The following SPECC1L variants were observed in gnomAD, a reference collection of about 807,000 sequenced individuals.
SPECC1L encodes the protein sperm antigen with calponin homology and coiled-coil domains 1 like, also known as cytospin-A.
Under a neutral mutation model 116.8 loss-of-function variants are expected in SPECC1L, and 40 were observed. The ratio of observed to expected loss-of-function variants is 0.34; its 90% CI spans 0.27 to 0.45. The LOEUF (loss-of-function observed/expected upper bound fraction) is 0.45. Ranked by LOEUF, SPECC1L falls within the 20% of genes least tolerant of loss-of-function variation. The pLI is 1.00. For synonymous variants in SPECC1L, 504 were observed against 500.6 expected, an observed-to-expected ratio of 1.01 and a Z score of -0.09; for missense variants, 1,110 against 1,373.6, an observed-to-expected ratio of 0.81 and a Z score of 3.03.
chr22:24,322,428 TA>T lies in SPECC1L; in HGVS notation c.1453del (p.Ser485ValfsTer7). 6.2e-7 allele frequency: 1 copy of T among 1,614,166 alleles called. No homozygotes were observed. The highest frequency in any genetic ancestry group is 8.5e-7 in the Non-Finnish European group (1 of 1,180,028). ...ATTTCTTATGTCATAGATGAAGATGTAAAAAGTGGGCGCTATATGGAATTAG... is the reference window on the plus strand; with the variant it reads ...ATTTCTTATGTCATAGATGAAGATGTAAAAGTGGGCGCTATATGGAATTAG... ...HHISYVIDED[V>X]KSGRYMELEQ... On this transcript the variant is annotated frameshift_variant, in exon 5 of 17. Coordinates refer to ENST00000314328, the MANE Select transcript of SPECC1L (RefSeq NM_015330.6). LOFTEE classifies it high-confidence loss of function.
intron 14 of SPECC1L, among the ~76,000 whole-genome samples, chr22:24,398,636 A>G (rs2042411541): frequency 6.6e-6 from 1 of 152,226 alleles, no homozygotes; most frequent in Admixed American, 6.5e-5. Context: ...TGTGTAAGTC[A>G]TGGCTGGTGA....
At chr22:24,315,794 G>A (rs1471617996) in intron 4 of SPECC1L, among the ~76,000 whole-genome samples, 1 of 152,158 alleles carries the variant, frequency 6.6e-6, no homozygotes, top group African/African-American at 2.4e-5. Context: ...TCTCAAATCT[G>A]GAAGCCAGAA....
intron 4 of SPECC1L, among the ~76,000 whole-genome samples, chr22:24,320,148 C>G (rs1216420170): frequency 2.0e-5 from 3 of 152,126 alleles, no homozygotes; most frequent in Non-Finnish European, 4.4e-5. Context: ...TGGTGGCACG[C>G]TCCTGTAATC....
chr22:24,309,136 G>GAC (rs138903918), intron 3 of SPECC1L, among the ~76,000 whole-genome samples: 296 of 150,944 alleles, frequency 2.0e-3, no homozygotes, highest in Middle Eastern at 3.5e-3. Flanking sequence ...TTGCTTTTGG[G>GAC]ACACACACAC....
intron 10 of SPECC1L, among the ~76,000 whole-genome samples, chr22:24,341,855 C>T (rs1028193819): frequency 1.3e-5 from 2 of 152,214 alleles, no homozygotes; most frequent in African/African-American, 4.8e-5. Flanking sequence ...TGCAGAGAGG[C>T]CCACATTAGG....
intron 14 of SPECC1L, among the ~76,000 whole-genome samples, chr22:24,385,546 GCTATA>G (rs1052275981): frequency 6.6e-6 from 1 of 152,176 alleles, no homozygotes; most frequent in Non-Finnish European, 1.5e-5. Context: ...TGCTGGAAGA[GCTATA>G]CTAATTTCAA....
chr22:24,298,424 C>A (rs1312039027), intron 2 of SPECC1L, among the ~76,000 whole-genome samples: 1 of 152,148 alleles, frequency 6.6e-6, no homozygotes, highest in African/African-American at 2.4e-5. Flanking sequence ...TGAAACATAT[C>A]CCCCTCGGAT....
At chr22:24,378,762 A>C (rs976171616) in intron 14 of SPECC1L, among the ~76,000 whole-genome samples, 21 of 152,346 alleles carry the variant, frequency 1.4e-4, no homozygotes, top group East Asian at 9.6e-4. Context: ...TCACTGTCTT[A>C]TATGGGCACA....
chr22:24,311,754 G>A (rs1273170036), intron 3 of SPECC1L, among the ~76,000 whole-genome samples: 8 of 143,184 alleles, frequency 5.6e-5, no homozygotes, highest in African/African-American at 7.9e-5. Flanking sequence ...GCAGTGAGCC[G>A]AGATCATGCC....
intron 2 of SPECC1L, among the ~76,000 whole-genome samples, chr22:24,301,949 G>A (rs1007417374): frequency 1.3e-5 from 2 of 152,032 alleles, no homozygotes; most frequent in African/African-American, 4.8e-5. Context: ...GGAAGGCTGA[G>A]GCAGGAGAAT....
At chr22:24,299,140 T>G (rs1263262427) in intron 2 of SPECC1L, among the ~76,000 whole-genome samples, 1 of 152,218 alleles carries the variant, frequency 6.6e-6, no homozygotes, top group Non-Finnish European at 1.5e-5. Context: ...AATTTACATA[T>G]TGAAATTTAT....
At chr22:24,387,249 C>T (rs930915603) in intron 14 of SPECC1L, among the ~76,000 whole-genome samples, 17 of 152,214 alleles carry the variant, frequency 1.1e-4, no homozygotes, top group African/African-American at 3.9e-4. Context: ...CAACATGCAG[C>T]AGCATGGATG....
At chr22:24,379,958 G>A (rs2042034990) in intron 14 of SPECC1L, among the ~76,000 whole-genome samples, 1 of 152,116 alleles carries the variant, frequency 6.6e-6, no homozygotes, top group African/African-American at 2.4e-5. Context: ...CCATCTCCTG[G>A]GATGCATCTC....
chr22:24,314,239 C>CA (rs1479688177), intron 4 of SPECC1L, among the ~76,000 whole-genome samples: 2 of 150,626 alleles, frequency 1.3e-5, no homozygotes, highest in African/African-American at 4.9e-5. Context: ...TTAGTAGAGA[C>CA]AGAGTTTCAC....
At chr22:24,413,554 T>C (rs2146828375) in intron 16 of SPECC1L, among the ~76,000 whole-genome samples, 1 of 152,328 alleles carries the variant, frequency 6.6e-6, no homozygotes, top group South Asian at 2.1e-4. Context: ...TTTACGCCCA[T>C]GTTCACTCAT....
At chr22:24,307,788 C>A (rs529647466) in intron 3 of SPECC1L, among the ~76,000 whole-genome samples, 13 of 151,710 alleles carry the variant, frequency 8.6e-5, no homozygotes, top group African/African-American at 3.1e-4. Context: ...ATCCTTCTGC[C>A]TCACCCTCCC....
At position 24,338,491 on chromosome 22, in the gene SPECC1L, A is replaced by G. The variant is rs182877699; in HGVS notation, c.2652+14A>G. The G allele has an allele frequency of 6.8e-4, 1,096 of 1,612,300 alleles. 5 individuals are homozygous for G. Among genetic ancestry groups the G allele is most frequent in the Non-Finnish European group, 8.7e-4 (1,028 of 1,178,366 alleles). On this transcript the variant is annotated intron_variant, in intron 10 of 16. Coordinates refer to ENST00000314328, the MANE Select transcript of SPECC1L (RefSeq NM_015330.6). ...TCCCCTATGCAGGTGAGTGCCTGGA[A>G]CCACAGGAGGCTCTTAGAGCCTCAG...
intron 6 of SPECC1L, 137 bp from the exon 7 acceptor site, chr22:24,328,709 T>C: frequency 1.6e-6 from 1 of 619,402 alleles, no homozygotes; most frequent in South Asian, 2.1e-5. Context: ...TCTGTTAAAG[T>C]TTTGTATTAA....
At chr22:24,385,312 GAA>G (rs2042141327) in intron 14 of SPECC1L, among the ~76,000 whole-genome samples, 1 of 152,070 alleles carries the variant, frequency 6.6e-6, no homozygotes, top group African/African-American at 2.4e-5. Context: ...GGAAAGGAGA[GAA>G]AAGGAACAAA....
Sources: allele counts gnomAD v4.1 joint callset (sites outside exome capture counted in the v4.1 genomes callset), GRCh38; gene constraint gnomAD v4.1.1; transcripts MANE v1.5; gene names NCBI Gene and HGNC (gene_info 2026-07-23, HGNC 2026-07-21).